The following TEAD4 variants were observed in gnomAD, a reference collection of about 807,000 sequenced individuals.
TEAD4 encodes TEA domain transcription factor 4, also known as transcriptional enhancer factor TEF-3.
In TEAD4, 36 loss-of-function variants were observed where a neutral mutation model predicts 52.4. The observed-to-expected ratio is 0.69, with a 90% CI of 0.53 to 0.91. The LOEUF is 0.91. Ranked by LOEUF, TEAD4 falls within the 40% of genes least tolerant of loss-of-function variation. The probability of loss-of-function intolerance (pLI) is 0.00; values close to 1 mark genes in which losing one functional copy is unlikely to be tolerated. For synonymous variants in TEAD4, 220 were observed against 231.0 expected, an observed-to-expected ratio of 0.95 and a Z score of 0.43; for missense variants, 508 against 583.9, an observed-to-expected ratio of 0.87 and a Z score of 1.34.
intron 2 of TEAD4, among the ~76,000 whole-genome samples, chr12:2,987,624 C>T (rs900904794): frequency 1.3e-5 from 2 of 151,480 alleles, no homozygotes; most frequent in Admixed American, 6.6e-5. Context: ...TTAGTAGAGA[C>T]GGGGTTTCAC....
At chr12:2,971,796 T>C (rs2098225297) in intron 2 of TEAD4, among the ~76,000 whole-genome samples, 1 of 142,708 alleles carries the variant, frequency 7.0e-6, no homozygotes, top group Non-Finnish European at 1.5e-5. Context: ...TTTTATATCC[T>C]TTTTTTTTTC....
chr12:2,975,792 A>G (rs190048893), intron 2 of TEAD4, among the ~76,000 whole-genome samples: 137 of 152,268 alleles, frequency 9.0e-4, no homozygotes, highest in African/African-American at 3.1e-3. Context: ...TTACAGTATC[A>G]TGCAGAATAG....
chr12:2,964,079 A>G (rs932464454), intron 2 of TEAD4, among the ~76,000 whole-genome samples: 2 of 151,388 alleles, frequency 1.3e-5, no homozygotes, highest in Non-Finnish European at 2.9e-5. Context: ...GGGGCTGATG[A>G]CACATAGGGT....
At chr12:2,978,083 C>G (rs536874151) in intron 2 of TEAD4, among the ~76,000 whole-genome samples, 1 of 152,296 alleles carries the variant, frequency 6.6e-6, no homozygotes, top group East Asian at 1.9e-4. Context: ...CTTCTCTTTT[C>G]TTTTCCAGCT....
In TEAD4 at chr12:3,011,085, G is replaced by A. The variant is rs367715822; in HGVS notation, c.291+17G>A. On this transcript the variant is annotated intron_variant, in intron 4 of 12. Transcript: ENST00000359864. ...AGGAAGCAGGTGGGCCTCAAGAGAC[G>A]GGTAGGGGTCCCGGGGGTGGTACCC... 18 of 1,613,870 alleles carry A rather than the reference G, an allele frequency of 1.1e-5. No individual in the cohort carries two copies. The highest frequency in any genetic ancestry group is 1.0e-4 in the Admixed American group (6 of 60,002).
intron 2 of TEAD4, among the ~76,000 whole-genome samples, chr12:2,988,612 A>T (rs538496808): frequency 6.6e-6 from 1 of 152,188 alleles, no homozygotes; most frequent in East Asian, 1.9e-4. Flanking sequence ...TTTGTATGCT[A>T]ATGAGTCGAT....
At chr12:2,964,314 T>G (rs2098218386) in intron 2 of TEAD4, among the ~76,000 whole-genome samples, 2 of 152,184 alleles carry the variant, frequency 1.3e-5, no homozygotes. Context: ...AAAAGGCTGG[T>G]GTTGTTGCTC....
At chr12:3,004,151 G>A (rs2098253951) in intron 3 of TEAD4, among the ~76,000 whole-genome samples, 3 of 152,248 alleles carry the variant, frequency 2.0e-5, no homozygotes, top group African/African-American at 7.2e-5. Context: ...CCAAGTAGTT[G>A]GATCTCCCTC....
chr12:3,031,405 G>A (rs1223448505), intron 10 of TEAD4, among the ~76,000 whole-genome samples: 2 of 152,238 alleles, frequency 1.3e-5, no homozygotes, highest in East Asian at 3.8e-4. Context: ...CTGCCTTGGA[G>A]CGGGAGGTGG....
intron 2 of TEAD4, among the ~76,000 whole-genome samples, chr12:2,985,341 C>T (rs916740228): frequency 3.3e-5 from 5 of 151,286 alleles, no homozygotes; most frequent in Admixed American, 2.0e-4. Context: ...GCCGAGATTG[C>T]GCCACTGTAC....
intron 10 of TEAD4, among the ~76,000 whole-genome samples, chr12:3,027,363 A>T (rs1591596615): frequency 6.6e-6 from 1 of 151,948 alleles, no homozygotes; most frequent in Non-Finnish European, 1.5e-5. Context: ...TGGTGTCTTT[A>T]GTTCTTAGCT....
chr12:3,012,307 G>A, intron 5 of TEAD4, 75 bp downstream of exon 5: 4 of 1,498,932 alleles, frequency 2.7e-6, no homozygotes, highest in Non-Finnish European at 3.7e-6. Flanking sequence ...TTGGGGTCAG[G>A]GCATCACTGC....
At chr12:2,988,933 A>G (rs184365909) in intron 2 of TEAD4, among the ~76,000 whole-genome samples, 5 of 152,296 alleles carry the variant, frequency 3.3e-5, no homozygotes, top group South Asian at 4.1e-4. Context: ...GCCTTGCCCT[A>G]TGCGTCTCTA....
intron 9 of TEAD4, 78 bp from the exon 10 acceptor site, chr12:3,021,766 G>C: frequency 1.3e-6 from 2 of 1,514,500 alleles, no homozygotes; most frequent in Non-Finnish European, 1.8e-6. Context: ...AGGTCACGTG[G>C]TGGGCACGCA....
intron 3 of TEAD4, among the ~76,000 whole-genome samples, chr12:3,005,387 G>A (rs1368529544): frequency 1.3e-5 from 2 of 152,194 alleles, no homozygotes; most frequent in African/African-American, 4.8e-5. Context: ...TCAATCTCCT[G>A]GACTCAAGTG....
chr12:3,037,292 A>G (rs2153958735), intron 10 of TEAD4, among the ~76,000 whole-genome samples: 1 of 152,332 alleles, frequency 6.6e-6, no homozygotes, highest in East Asian at 1.9e-4. Flanking sequence ...AGTTAAGAGA[A>G]TGAACCAAAG....
chr12:3,013,694 A>G (rs1422212108), intron 5 of TEAD4, among the ~76,000 whole-genome samples: 1 of 152,156 alleles, frequency 6.6e-6, no homozygotes, highest in African/African-American at 2.4e-5. Context: ...AGATAGTGCC[A>G]CTGCACACCA....
intron 2 of TEAD4, among the ~76,000 whole-genome samples, chr12:2,975,179 C>A (rs34781819): frequency 0.097 from 649 of 6,724 alleles, 40 homozygotes; most frequent in East Asian, 0.25. Flanking sequence ...TTAAAACAAA[C>A]AAACAAAAAA....
At position 3,019,303 on chromosome 12, in the gene TEAD4, C is replaced by T. The variant is rs1473674311; in HGVS notation, c.583+133C>T. On this transcript the variant is annotated intron_variant, in intron 8 of 12. Transcript: ENST00000359864. The stretch of plus-strand genomic sequence containing the variant: ...CCGTCATGCACACTGACCACACGTC[C>T]TAGTCCCTGGCCACACCCCATTCCT... 1.8e-5 allele frequency: 18 copies of T among 1,012,784 alleles called. No homozygotes were observed. The East Asian group carries it at 3.8e-4, about 21-fold the overall frequency. The allele number at this position is 1,012,784 out of a possible 1,614,324, so 62.7% of individuals were successfully genotyped here.
Sources: gnomAD v4.1 joint callset for allele counts (sites outside exome capture counted in the v4.1 genomes callset) on GRCh38, gnomAD v4.1.1 for gene constraint, MANE v1.5 for transcripts, NCBI Gene and HGNC (gene_info 2026-07-23, HGNC 2026-07-21) for gene names.